STPG2: variants seen among roughly 807,000 people sequenced by gnomAD.
STPG2 encodes sperm tail PG-rich repeat containing 2.
STPG2 carries 56 observed loss-of-function variants against 54.2 expected under a neutral mutation model. That is an observed-to-expected ratio of 1.03 (90% CI 0.83 to 1.29). The LOEUF (loss-of-function observed/expected upper bound fraction) is 1.29, where lower values mean the gene tolerates loss of function less well. Ranked by LOEUF, STPG2 falls within the 50% of genes most tolerant of loss-of-function variation. The pLI, the probability that STPG2 is intolerant of heterozygous loss-of-function variation, is 0.00. For missense variants in STPG2, 596 were observed against 544.9 expected (o/e 1.09, Z -0.93); for synonymous variants, 200 against 181.8 (o/e 1.10, Z -0.81).
intron 5 of STPG2, among the ~76,000 whole-genome samples, chr4:98,070,123 AT>A (rs1318513082): frequency 1.3e-5 from 2 of 152,086 alleles, no homozygotes; most frequent in African/African-American, 4.8e-5. Context: ...CCTCAAAAAA[AT>A]ACTACCAAAT....
intron 10 of STPG2, among the ~76,000 whole-genome samples, chr4:97,700,513 G>C (rs1723737632): frequency 6.6e-6 from 1 of 152,182 alleles, no homozygotes; most frequent in Non-Finnish European, 1.5e-5. Flanking sequence ...TGGACCCCTA[G>C]AAATTTTACT....
intron 9 of STPG2, among the ~76,000 whole-genome samples, chr4:97,717,797 A>C (rs1724338007): frequency 6.6e-6 from 1 of 152,100 alleles, no homozygotes; most frequent in African/African-American, 2.4e-5. Flanking sequence ...TTCACCTAAA[A>C]CCACTTTGAG....
intron 2 of STPG2, among the ~76,000 whole-genome samples, chr4:98,129,509 C>T (rs1234378773): frequency 6.6e-6 from 1 of 151,818 alleles, no homozygotes; most frequent in Admixed American, 6.6e-5. Flanking sequence ...TGTATAAAGT[C>T]ACATACATAT....
intron 10 of STPG2, among the ~76,000 whole-genome samples, chr4:97,682,085 A>AT (rs1480515284): frequency 6.6e-6 from 1 of 151,660 alleles, no homozygotes; most frequent in African/African-American, 2.4e-5. Flanking sequence ...TATTCTGTGT[A>AT]TTTTTTCCCA....
intron 5 of STPG2, among the ~76,000 whole-genome samples, chr4:98,083,104 C>G (rs1006851765): frequency 6.6e-6 from 1 of 152,122 alleles, no homozygotes; most frequent in African/African-American, 2.4e-5. Context: ...CTCCCAATAT[C>G]ATCCTGTACC....
At chr4:97,512,183 C>T (rs545400826) in intron 4 of STPG2, among the ~76,000 whole-genome samples, 59 of 152,086 alleles carry the variant, frequency 3.9e-4, no homozygotes, top group African/African-American at 1.4e-3. Flanking sequence ...GCCCATATAA[C>T]AGGCCATTAT....
At chr4:97,602,603 A>G (rs1023166232) in intron 10 of STPG2, among the ~76,000 whole-genome samples, 1 of 151,632 alleles carries the variant, frequency 6.6e-6, no homozygotes, top group African/African-American at 2.4e-5. Context: ...TCCTTCTAAC[A>G]CTGATTTCCT....
At chr4:97,974,703 G>A (rs188102266) in intron 6 of STPG2, among the ~76,000 whole-genome samples, 40 of 152,290 alleles carry the variant, frequency 2.6e-4, no homozygotes, top group African/African-American at 8.9e-4. Flanking sequence ...TGCCATGTGA[G>A]ATGTGCCTTT....
chr4:97,816,873 A>T (rs1727929537), intron 9 of STPG2, among the ~76,000 whole-genome samples: 41 of 128,694 alleles, frequency 3.2e-4, no homozygotes, highest in African/African-American at 5.3e-4. Flanking sequence ...TTTCTCTTTC[A>T]CTCTTTCTTT....
In STPG2 at chr4:97,742,144, CAT is replaced by C. The variant is rs887240602; in HGVS notation, c.1205-29332_1205-29331del. ...AAACCAAACACCGCATATTCTCACT[CAT>C]AGGTGGGAATTGAACAATGAGAACA... On this transcript the variant is annotated intron_variant, in intron 9 of 10. Coordinates refer to ENST00000295268, the MANE Select transcript of STPG2 (RefSeq NM_174952.3). Among the ~76,000 whole-genome samples the C allele has an allele frequency of 5.9e-5, 9 of 151,912 alleles. No homozygotes were observed. In the East Asian group the frequency reaches 7.8e-4, roughly 13 times the overall value.
At chr4:98,016,313 C>G (rs1030545782) in intron 5 of STPG2, among the ~76,000 whole-genome samples, 2 of 152,156 alleles carry the variant, frequency 1.3e-5, no homozygotes, top group African/African-American at 4.8e-5. Flanking sequence ...GTGTTCCTTT[C>G]CAAATTCAGG....
intron 9 of STPG2, among the ~76,000 whole-genome samples, chr4:97,735,656 T>C (rs1196183482): frequency 6.7e-6 from 1 of 149,834 alleles, no homozygotes; most frequent in Non-Finnish European, 1.5e-5. Flanking sequence ...CAGATGTGTA[T>C]ATTCTTATAA....
intron 10 of STPG2, among the ~76,000 whole-genome samples, chr4:97,698,197 T>A (rs1264868774): frequency 6.6e-6 from 1 of 152,110 alleles, no homozygotes; most frequent in East Asian, 1.9e-4. Context: ...CAAACCTTCA[T>A]TCCTGAAGGG....
At chr4:97,967,592 G>C (rs995689074) in intron 7 of STPG2, among the ~76,000 whole-genome samples, 2 of 152,042 alleles carry the variant, frequency 1.3e-5, no homozygotes, top group African/African-American at 2.4e-5. Flanking sequence ...TTCCAAAATT[G>C]ACCACATAGT....
intron 8 of STPG2, among the ~76,000 whole-genome samples, chr4:97,891,747 G>A (rs1403716328): frequency 6.6e-6 from 1 of 151,994 alleles, no homozygotes; most frequent in Non-Finnish European, 1.5e-5. Context: ...GTTTTTTGAA[G>A]AAGAGGATGA....
intron 6 of STPG2, among the ~76,000 whole-genome samples, chr4:97,975,632 CAG>C (rs1734472876): frequency 6.6e-6 from 1 of 152,100 alleles, no homozygotes; most frequent in Admixed American, 6.6e-5. Flanking sequence ...CAATATCCAT[CAG>C]ACTCAATATG....
In STPG2 at chr4:97,478,893, GT is replaced by G. The variant is rs367549797; in HGVS notation, c.462+233805del. The stretch of plus-strand genomic sequence containing the variant: ...CAAATATGTGTGTGTGTGTGTGTGT[GT>G]GTGTGTGTGTGTGTGTGTGTGTGTG... On this transcript the variant is annotated intron_variant, in intron 4 of 4. Transcript: ENST00000522676. Among the ~76,000 whole-genome samples, 11 of 150,914 alleles carry G rather than the reference GT, an allele frequency of 7.3e-5. No individual in the cohort carries two copies. The East Asian group carries it at 2.0e-3, about 27-fold the overall frequency.
chr4:97,736,810 C>G (rs933831894), intron 9 of STPG2, among the ~76,000 whole-genome samples: 2 of 152,206 alleles, frequency 1.3e-5, no homozygotes, highest in Non-Finnish European at 2.9e-5. Flanking sequence ...ACAGCAGTAA[C>G]CTCTGCAGAC....
At chr4:97,773,452 T>C (rs1203462470) in intron 9 of STPG2, among the ~76,000 whole-genome samples, 3 of 152,234 alleles carry the variant, frequency 2.0e-5, no homozygotes, top group Admixed American at 2.0e-4. Context: ...CTTAAGTAGC[T>C]AAGTGCATGC....
Sources: allele counts gnomAD v4.1 joint callset (sites outside exome capture counted in the v4.1 genomes callset), GRCh38; gene constraint gnomAD v4.1.1; transcripts MANE v1.5; gene names NCBI Gene and HGNC (gene_info 2026-07-23, HGNC 2026-07-21).